The following DLGAP2 variants were observed in gnomAD, a reference collection of about 807,000 sequenced individuals.
DLGAP2 encodes the protein disks large-associated protein 2.
Under a neutral mutation model 100.3 loss-of-function variants are expected in DLGAP2, and 26 were observed. The ratio of observed to expected loss-of-function variants is 0.26; its 90% CI spans 0.19 to 0.36. The LOEUF (loss-of-function observed/expected upper bound fraction) is 0.36, where lower values mean the gene tolerates loss of function less well. Ranked by LOEUF, DLGAP2 falls within the 10% of genes least tolerant of loss-of-function variation. The probability of loss-of-function intolerance (pLI) is 1.00; values close to 1 mark genes in which losing one functional copy is unlikely to be tolerated. For missense variants in DLGAP2, 1,858 were observed against 1,453.2 expected, an observed-to-expected ratio of 1.28 and a Z score of -4.53; for synonymous variants, 886 against 630.1, an observed-to-expected ratio of 1.41 and a Z score of -6.08.
intron 2 of DLGAP2, among the ~76,000 whole-genome samples, chr8:1,199,856 C>A (rs1242146615): frequency 2.0e-5 from 3 of 152,158 alleles, no homozygotes; most frequent in Admixed American, 6.5e-5. Context: ...ACACTGGAAT[C>A]ATCGGCTGTG....
chr8:1,521,357 C>A (rs1800591162), intron 4 of DLGAP2, among the ~76,000 whole-genome samples: 2 of 59,956 alleles, frequency 3.3e-5, no homozygotes, highest in African/African-American at 1.1e-4. Flanking sequence ...CTGGTTTGCA[C>A]ACTTGTTTTA....
intron 4 of DLGAP2, among the ~76,000 whole-genome samples, chr8:1,512,320 G>A (rs1800194594): frequency 6.6e-6 from 1 of 152,296 alleles, no homozygotes; most frequent in South Asian, 2.1e-4. Context: ...TTGACAACAT[G>A]ATCAAAGTTG....
At chr8:751,393 G>A (rs1277860174) in intron 1 of DLGAP2, among the ~76,000 whole-genome samples, 2 of 152,210 alleles carry the variant, frequency 1.3e-5, no homozygotes, top group African/African-American at 4.8e-5. Context: ...GCTGCTGCAA[G>A]TTTCTGACAG....
At chr8:847,939 T>C (rs556925134) in intron 1 of DLGAP2, among the ~76,000 whole-genome samples, 8 of 152,332 alleles carry the variant, frequency 5.3e-5, no homozygotes, top group African/African-American at 1.9e-4. Flanking sequence ...TGCTTGCGTG[T>C]TTGTTTATAC....
chr8:1,347,311 C>G (rs753854215), intron 3 of DLGAP2, among the ~76,000 whole-genome samples: 19 of 149,462 alleles, frequency 1.3e-4, no homozygotes, highest in African/African-American at 4.2e-4. Context: ...GTTGAGTTCC[C>G]CCACAGAGCT....
intron 1 of DLGAP2, among the ~76,000 whole-genome samples, chr8:856,523 G>A (rs892707599): frequency 4.0e-5 from 6 of 151,638 alleles, no homozygotes; most frequent in African/African-American, 1.4e-4. Flanking sequence ...AACAGTTTTA[G>A]CAGGGTTTTA....
intron 3 of DLGAP2, among the ~76,000 whole-genome samples, chr8:1,487,066 G>A (rs900196855): frequency 1.3e-5 from 2 of 152,176 alleles, no homozygotes; most frequent in African/African-American, 4.8e-5. Flanking sequence ...TCTAGAATCC[G>A]AGGCTTTAAA....
rs371695848 is a variant in DLGAP2 at position 1,311,702 on chromosome 8, A to G, written c.106+52819A>G. Among the ~76,000 whole-genome samples the G allele has an allele frequency of 3.9e-3, 486 of 125,138 alleles. 1 individual carries two copies. The highest frequency in any genetic ancestry group is 0.014 in the African/African-American group (465 of 32,588). The allele number at this position is 125,138 out of a possible 152,430, so 82.1% of individuals were successfully genotyped here. A position where few individuals can be genotyped will look rare whatever the true frequency, so the allele number is the denominator to read the frequency against. ...TGACAAAATCTCATAACTGTTCATG[A>G]TAAAAAAAAAAAACTCTTATAAAAT... On this transcript the variant is annotated intron_variant, in intron 3 of 14. Transcript: ENST00000637795.
At chr8:1,550,303 C>T (rs892816983) in intron 5 of DLGAP2, among the ~76,000 whole-genome samples, 7 of 152,164 alleles carry the variant, frequency 4.6e-5, no homozygotes, top group East Asian at 1.9e-4. Flanking sequence ...GCTTTGTGCG[C>T]GGGGCTGCAG....
intron 2 of DLGAP2, among the ~76,000 whole-genome samples, chr8:1,057,896 TC>T (rs1177272626): frequency 6.6e-6 from 1 of 152,222 alleles, no homozygotes; most frequent in African/African-American, 2.4e-5. Flanking sequence ...GCTCTTATTT[TC>T]CAGTTCTTAA....
intron 2 of DLGAP2, among the ~76,000 whole-genome samples, chr8:1,221,938 A>T (rs1323180497): frequency 6.6e-6 from 1 of 152,068 alleles, no homozygotes; most frequent in East Asian, 1.9e-4. Flanking sequence ...TGAATTTTTT[A>T]TTTCCAGTTC....
intron 2 of DLGAP2, among the ~76,000 whole-genome samples, chr8:1,128,583 A>G (rs1011910747): frequency 2.0e-5 from 3 of 152,198 alleles, no homozygotes; most frequent in Admixed American, 1.3e-4. Context: ...GGCAGGCTCA[A>G]TCGCCGGGTT....
chr8:1,427,897 C>T (rs920607096), intron 3 of DLGAP2, among the ~76,000 whole-genome samples: 2 of 152,100 alleles, frequency 1.3e-5, no homozygotes, highest in African/African-American at 2.4e-5. Context: ...TAATTCATAA[C>T]TTAACAGTGC....
chr8:783,926 C>T (rs939635518), intron 1 of DLGAP2, among the ~76,000 whole-genome samples: 3 of 152,194 alleles, frequency 2.0e-5, no homozygotes, highest in Non-Finnish European at 2.9e-5. Context: ...ATAGCGTTAT[C>T]GGCTAATTCT....
intron 2 of DLGAP2, among the ~76,000 whole-genome samples, chr8:1,132,079 C>T (rs1796306704): frequency 1.3e-5 from 2 of 152,160 alleles, no homozygotes; most frequent in Non-Finnish European, 2.9e-5. Context: ...AAGGTTAGTG[C>T]TGTGATCTCT....
At chr8:1,670,422 G>A (rs753839441) in intron 10 of DLGAP2, among the ~76,000 whole-genome samples, 2 of 152,084 alleles carry the variant, frequency 1.3e-5, no homozygotes, top group African/African-American at 4.8e-5. Context: ...CATCCCCCCA[G>A]CTTCCCCTGC....
At chr8:894,120 C>A (rs1798092484) in intron 1 of DLGAP2, among the ~76,000 whole-genome samples, 1 of 152,216 alleles carries the variant, frequency 6.6e-6, no homozygotes, top group Non-Finnish European at 1.5e-5. Flanking sequence ...GCGTCTCCCT[C>A]TCCCATGGCC....
chr8:1,367,009 A>C (rs1802124017), intron 3 of DLGAP2, among the ~76,000 whole-genome samples: 1 of 152,208 alleles, frequency 6.6e-6, no homozygotes, highest in Admixed American at 6.5e-5. Flanking sequence ...CAGTGTTAAC[A>C]TTTACATGGC....
intron 3 of DLGAP2, among the ~76,000 whole-genome samples, chr8:1,271,283 T>C (rs1799577366): frequency 6.6e-6 from 1 of 152,190 alleles, no homozygotes; most frequent in African/African-American, 2.4e-5. Flanking sequence ...GCGGTGTGAC[T>C]TCATGGCATC....
Sources: gnomAD v4.1 joint callset for allele counts (sites outside exome capture counted in the v4.1 genomes callset) on GRCh38, gnomAD v4.1.1 for gene constraint, MANE v1.5 for transcripts, NCBI Gene and HGNC (gene_info 2026-07-23, HGNC 2026-07-21) for gene names.